The following ZDHHC14 variants were observed in gnomAD, a reference collection of about 807,000 sequenced individuals.
The protein encoded by ZDHHC14 is zDHHC palmitoyltransferase 14.
Under a neutral mutation model 47.7 loss-of-function variants are expected in ZDHHC14, and 16 were observed. The ratio of observed to expected loss-of-function variants is 0.34; its 90% CI spans 0.23 to 0.51. The LOEUF (loss-of-function observed/expected upper bound fraction) is 0.51, where lower values mean the gene tolerates loss of function less well. ZDHHC14 is among the 20% of genes least tolerant of loss of function. ZDHHC14 has a pLI of 0.97. For synonymous variants in ZDHHC14, 293 were observed against 278.9 expected (o/e 1.05, Z -0.50); for missense variants, 515 against 662.5 (o/e 0.78, Z 2.44).
intron 1 of ZDHHC14, among the ~76,000 whole-genome samples, chr6:157,479,831 G>C (rs1409844953): frequency 6.6e-6 from 1 of 152,242 alleles, no homozygotes; most frequent in Non-Finnish European, 1.5e-5. Context: ...GAGCTGGAAG[G>C]CTGGTGGTGG....
At chr6:157,653,379 C>A in intron 7 of ZDHHC14, 146 bp from the exon 8 acceptor site, 1 of 713,904 alleles carries the variant, frequency 1.4e-6, no homozygotes. Context: ...TGATTATACA[C>A]GAAAGTGAGG....
At chr6:157,446,287 G>A (rs1199252912) in intron 1 of ZDHHC14, among the ~76,000 whole-genome samples, 13 of 152,102 alleles carry the variant, frequency 8.5e-5, no homozygotes, top group Non-Finnish European at 2.9e-5. Context: ...CCCCTCTCGA[G>A]CCTTCTCCAC....
intron 1 of ZDHHC14, among the ~76,000 whole-genome samples, chr6:157,541,721 G>T (rs1282977600): frequency 6.6e-6 from 1 of 152,202 alleles, no homozygotes; most frequent in Non-Finnish European, 1.5e-5. Context: ...AGGGGCCACG[G>T]TAAGAACTGC....
intron 1 of ZDHHC14, among the ~76,000 whole-genome samples, chr6:157,426,611 A>T (rs951221671): frequency 5.9e-5 from 9 of 152,064 alleles, no homozygotes; most frequent in African/African-American, 2.2e-4. Flanking sequence ...ACACTGGGGA[A>T]GCCCTGGCTG....
At chr6:157,392,898 G>A (rs184890423) in intron 1 of ZDHHC14, among the ~76,000 whole-genome samples, 61 of 151,792 alleles carry the variant, frequency 4.0e-4, no homozygotes, top group African/African-American at 1.4e-3. Context: ...TTTTTGAGAT[G>A]GAGTTGCCCA....
chr6:157,659,065 T>C (rs1034153036), intron 8 of ZDHHC14, among the ~76,000 whole-genome samples: 1 of 152,256 alleles, frequency 6.6e-6, no homozygotes, highest in African/African-American at 2.4e-5. Context: ...ATTTATCCAT[T>C]TCATCTAAGT....
intron 3 of ZDHHC14, among the ~76,000 whole-genome samples, chr6:157,616,890 C>A (rs1223672963): frequency 6.6e-6 from 1 of 152,144 alleles, no homozygotes; most frequent in African/African-American, 2.4e-5. Context: ...CAGACTGAGC[C>A]ACAAGGACCT....
chr6:157,602,716 G>T (rs2114909412), intron 3 of ZDHHC14, among the ~76,000 whole-genome samples: 1 of 152,226 alleles, frequency 6.6e-6, no homozygotes, highest in Non-Finnish European at 1.5e-5. Flanking sequence ...GGAAGGCCGG[G>T]CTCCTGAGCA....
intron 1 of ZDHHC14, among the ~76,000 whole-genome samples, chr6:157,434,611 G>A (rs1310835404): frequency 6.6e-6 from 1 of 152,038 alleles, no homozygotes; most frequent in African/African-American, 2.4e-5. Flanking sequence ...CTGCAATAGG[G>A]CTTTCTTTTA....
rs141362242 is a variant in ZDHHC14, at chr6:157,558,243, G to A, written c.406+15498G>A. On this transcript the variant is annotated intron_variant, in intron 2 of 8. Transcript: ENST00000359775. Reference sequence around the variant, plus strand: ...CAGCATAGATCTAAACTCCTCAACCGACATGCTGCCATTCCCAGAAATGGC... The same window carrying A: ...CAGCATAGATCTAAACTCCTCAACCAACATGCTGCCATTCCCAGAAATGGC... Among the ~76,000 whole-genome samples the A allele has an allele frequency of 1.5e-3, 233 of 152,250 alleles. 1 individual carries two copies. Among genetic ancestry groups the A allele is most frequent in the African/African-American group, 5.2e-3 (218 of 41,536 alleles).
chr6:157,401,712 C>T (rs568645359), intron 1 of ZDHHC14, among the ~76,000 whole-genome samples: 1 of 136,252 alleles, frequency 7.3e-6, no homozygotes, highest in Non-Finnish European at 1.6e-5. Flanking sequence ...GGACACCCTG[C>T]AGTAGTGAGA....
At chr6:157,483,695 C>T (rs545891330) in intron 1 of ZDHHC14, among the ~76,000 whole-genome samples, 80 of 152,238 alleles carry the variant, frequency 5.3e-4, no homozygotes, top group African/African-American at 1.8e-3. Context: ...GGAGGTTTGA[C>T]GGTGGGTAAA....
At chr6:157,386,226 G>T (rs1049173173) in intron 1 of ZDHHC14, among the ~76,000 whole-genome samples, 1 of 152,130 alleles carries the variant, frequency 6.6e-6, no homozygotes, top group Non-Finnish European at 1.5e-5. Flanking sequence ...TAAAAACCTG[G>T]CCGGGCACAG....
Position 157,537,069 on chromosome 6 carries a change from C to T in ZDHHC14, c.246-5516C>T, listed in dbSNP as rs561639857. Among the ~76,000 whole-genome samples the T allele has an allele frequency of 3.2e-4, 18 of 55,894 alleles. 4 individuals are homozygous for T. The East Asian group carries it at 7.0e-3, about 22-fold the overall frequency. The allele number at this position is 55,894 out of a possible 152,430, so 36.7% of individuals were successfully genotyped here. A position where few individuals can be genotyped will look rare whatever the true frequency, so the allele number is the denominator to read the frequency against. On this transcript the variant is annotated intron_variant, in intron 1 of 8. Coordinates refer to ENST00000359775, the MANE Select transcript of ZDHHC14 (RefSeq NM_024630.3). ...TCCTGACCTCGTGATCCGCCCGCCT[C>T]GGCCTCCCAAAGTGCTGGGATTACA...
chr6:157,488,385 C>T (rs555177668), intron 1 of ZDHHC14, among the ~76,000 whole-genome samples: 27 of 152,312 alleles, frequency 1.8e-4, no homozygotes, highest in Admixed American at 1.8e-3. Context: ...GTCCTTGCAT[C>T]TGAAATCCAC....
At chr6:157,485,106 A>G (rs530724641) in intron 1 of ZDHHC14, among the ~76,000 whole-genome samples, 5 of 151,734 alleles carry the variant, frequency 3.3e-5, no homozygotes, top group South Asian at 2.1e-4. Context: ...CAAAAAACCA[A>G]TAAAAATAAA....
chr6:157,543,791 T>C (rs1229866192), intron 2 of ZDHHC14, among the ~76,000 whole-genome samples: 1 of 152,276 alleles, frequency 6.6e-6, no homozygotes, highest in East Asian at 1.9e-4. Context: ...GCAGCTGTCT[T>C]GTGTCCTGAG....
intron 3 of ZDHHC14, among the ~76,000 whole-genome samples, chr6:157,607,804 C>A (rs1218524501): frequency 6.6e-6 from 1 of 152,122 alleles, no homozygotes; most frequent in African/African-American, 2.4e-5. Flanking sequence ...AACCTGTTCA[C>A]AAGAGAGAAT....
At chr6:157,486,410 A>C (rs1779779395) in intron 1 of ZDHHC14, among the ~76,000 whole-genome samples, 1 of 152,240 alleles carries the variant, frequency 6.6e-6, no homozygotes, top group Non-Finnish European at 1.5e-5. Context: ...AAAATGAAGC[A>C]ATGGATAAGA....
Sources: allele counts gnomAD v4.1 joint callset (sites outside exome capture counted in the v4.1 genomes callset), GRCh38; gene constraint gnomAD v4.1.1; transcripts MANE v1.5; gene names NCBI Gene and HGNC (gene_info 2026-07-23, HGNC 2026-07-21).